Variants in PRICKLE3 observed in about 807,000 individuals in gnomAD.
The protein encoded by PRICKLE3 is LIM domain only protein 6.
PRICKLE3 carries 17 observed loss-of-function variants against 33.8 expected under a neutral mutation model. The ratio of observed to expected loss-of-function variants is 0.50; its 90% CI spans 0.34 to 0.75. PRICKLE3 has a LOEUF of 0.75. PRICKLE3 is among the 30% of genes least tolerant of loss of function. The probability of loss-of-function intolerance (pLI) is 0.01; values close to 1 mark genes in which losing one functional copy is unlikely to be tolerated. For synonymous variants in PRICKLE3, 211 were observed against 219.6 expected (o/e 0.96, Z 0.34); for missense variants, 573 against 576.7 (o/e 0.99, Z 0.07).
At chrX:49,184,348 A>G (rs990149759) in intron 2 of PRICKLE3, among the ~76,000 whole-genome samples, 23 of 110,867 alleles carry the variant, frequency 2.1e-4, no homozygotes, top group African/African-American at 7.6e-4. Flanking sequence ...GGCGGCGCTC[A>G]GAGTTAGAGA....
chrX:49,176,051 C>T lies in PRICKLE3; in HGVS notation c.1470G>A (p.Leu490=). Residue 490 remains leucine, a synonymous_variant, in exon 9 of 9, where the codon CTG becomes CTA. Transcript: ENST00000599218. ...LVSEGGPRRT[L]SAPPAQRRRP... is the part of the protein sequence containing the mutation. ...TGCGGCGCTGGGCCGGGGGTGCACT[C>T]AGGGTCCGGCGCGGGCCTCCTTCAG... is the stretch of plus-strand genomic sequence containing the variant. 8.3e-7 allele frequency: 1 copy of T among 1,207,062 alleles called. No individual in the cohort carries two copies. The highest frequency in any genetic ancestry group is 3.0e-5 in the East Asian group (1 of 33,673).
rs142882850 is a variant in PRICKLE3 at position 49,178,473 on chromosome X, G to A, written c.567C>T (p.Cys189=). 9 of 1,205,666 alleles carry A rather than the reference G, an allele frequency of 7.5e-6. No homozygotes were observed. The highest frequency in any genetic ancestry group is 2.2e-5 in the Admixed American group (1 of 45,843). The change falls in exon 6 of 9, where the codon TGC becomes TGT. Residue 189 remains cysteine (C), a splice_region_variant and synonymous_variant. Transcript: ENST00000599218. ...TGTCCCCACCTCCAATCTGCTTTCCGCACTGCCATGAGACAAGCACCAAGA... is the reference window on the plus strand; with the variant it reads ...TGTCCCCACCTCCAATCTGCTTTCCACACTGCCATGAGACAAGCACCAAGA... The part of the protein sequence containing the change: ...VTITGAICEE[C]GKQIGGGDIA...
In PRICKLE3 at chrX:49,175,020, A is replaced by G. The variant is rs2065407384; in HGVS notation, c.*653T>C. ...CAGGCCCTAGGTTGGGACCCACTCCAAATAATCTCCTCGGTGTGGGTGGTG... is the reference window on the plus strand; with the variant it reads ...CAGGCCCTAGGTTGGGACCCACTCCGAATAATCTCCTCGGTGTGGGTGGTG... On this transcript the variant is annotated 3_prime_UTR_variant, in exon 9 of 9. Coordinates refer to ENST00000599218, the MANE Select transcript of PRICKLE3 (RefSeq NM_006150.5). The G allele has an allele frequency of 2.5e-6, 1 of 398,272 alleles. No individual in the cohort carries two copies. The highest frequency in any genetic ancestry group is 4.4e-6 in the Non-Finnish European group (1 of 228,386). 32.8% of individuals were successfully genotyped at this position (398,272 alleles called of 1,213,427 possible). A position where few individuals can be genotyped will look rare whatever the true frequency, so the allele number is the denominator to read the frequency against.
rs782057131 is a variant in PRICKLE3 at position 49,184,978 on chromosome X, C to T, written c.43-268G>A. On this transcript the variant is annotated intron_variant, in intron 1 of 8. Transcript: ENST00000599218. ...GCTGGCCTCGGACCCCCCTCCCCGT[C>T]CGCCCCTAGCCTCAGACACCTCCCA... is the stretch of plus-strand genomic sequence containing the variant. 2,136 of 917,652 alleles carry T rather than the reference C, an allele frequency of 2.3e-3. 3 individuals carry two copies. The highest frequency in any genetic ancestry group is 2.7e-3 in the Non-Finnish European group (1,889 of 699,127). 75.6% of individuals were successfully genotyped at this position (917,652 alleles called of 1,213,427 possible). A position where few individuals can be genotyped will look rare whatever the true frequency, so the allele number is the denominator to read the frequency against.
chrX:49,184,982 C>G (rs1169724721), intron 1 of PRICKLE3: 6 of 919,093 alleles, frequency 6.5e-6, no homozygotes, highest in Non-Finnish European at 8.6e-6. Flanking sequence ...CCCCGTCCGC[C>G]CCTAGCCTCA....
chrX:49,185,870 C>T, intron 1 of PRICKLE3, among the ~76,000 whole-genome samples: 1 of 94,039 alleles, frequency 1.1e-5, no homozygotes, highest in Admixed American at 1.2e-4. Context: ...CACTGCACTC[C>T]AGCCTGGGTG....
intron 7 of PRICKLE3, 38 bp from the exon 8 acceptor site, chrX:49,177,240 C>G (rs1016802457): frequency 1.8e-6 from 2 of 1,088,171 alleles, no homozygotes; most frequent in Non-Finnish European, 2.4e-6. Context: ...TGAGGCAGAA[C>G]CCCCAGGCGT....
Position 49,177,179 on chromosome X carries a change from A to G in PRICKLE3, c.979T>C (p.Tyr327His). The G allele has an allele frequency of 2.5e-6, 3 of 1,185,022 alleles. No homozygotes were observed. Among genetic ancestry groups the G allele is most frequent in the Non-Finnish European group, 3.4e-6 (3 of 885,551 alleles). ...HIGLDQGQMA[Y>H]EGQHWHASDR... is the part of the protein sequence containing the mutation. Reference sequence around the variant, plus strand: ...GAGGCATGCCAGTGCTGGCCCTCGTAAGCCATCTGGCCTTGGTCCAGGCCT... The same window carrying G: ...GAGGCATGCCAGTGCTGGCCCTCGTGAGCCATCTGGCCTTGGTCCAGGCCT... Residue 327 changes from tyrosine (Y) to histidine (H), a missense_variant, in exon 8 of 9, where the codon TAC becomes CAC. Coordinates refer to ENST00000599218, the MANE Select transcript of PRICKLE3 (RefSeq NM_006150.5).
intron 2 of PRICKLE3, 80 bp from the exon 3 acceptor site, chrX:49,183,997 C>T (rs1212205705): frequency 1.7e-5 from 18 of 1,079,905 alleles, no homozygotes; most frequent in Non-Finnish European, 1.9e-5. Context: ...AATGGAGGAG[C>T]GGGGACATAC....
chrX:49,183,989 T>G, intron 2 of PRICKLE3, 72 bp from the exon 3 acceptor site: 1 of 1,113,673 alleles, frequency 9.0e-7, no homozygotes, highest in Non-Finnish European at 1.2e-6. Context: ...CCAGGTCCAA[T>G]GGAGGAGCGG....
intron 4 of PRICKLE3, 32 bp downstream of exon 4, chrX:49,179,661 T>C: frequency 9.3e-7 from 1 of 1,078,394 alleles, no homozygotes; most frequent in Non-Finnish European, 1.3e-6. Flanking sequence ...GTGCTGTGCC[T>C]GGCATGCCCT....
intron 3 of PRICKLE3, among the ~76,000 whole-genome samples, chrX:49,180,436 T>C (rs887355832): frequency 1.8e-5 from 2 of 111,555 alleles, no homozygotes; most frequent in African/African-American, 3.3e-5. Context: ...TTGAGCCTAC[T>C]TGAGGCAGGC....
chrX:49,177,228 A>G, intron 7 of PRICKLE3, 26 bp from the exon 8 acceptor site: 1 of 1,113,855 alleles, frequency 9.0e-7, no homozygotes. Context: ...AGGGGGAAAA[A>G]CTGAGGCAGA....
At chrX:49,176,302 C>T in intron 8 of PRICKLE3, 37 bp from the exon 9 acceptor site, 2 of 1,034,854 alleles carry the variant, frequency 1.9e-6, no homozygotes, top group South Asian at 2.4e-5. Context: ...CTTGTATCTG[C>T]CCTCCCACTG....
In PRICKLE3 at chrX:49,183,805, T is replaced by A. The variant is rs782224347; in HGVS notation, c.241A>T (p.Ile81Phe). 1 of 1,210,453 alleles carries A rather than the reference T, an allele frequency of 8.3e-7. No individual in the cohort carries two copies. Among genetic ancestry groups the A allele is most frequent in the Non-Finnish European group, 1.1e-6 (1 of 895,161 alleles). The change falls in exon 3 of 9, where the codon ATC becomes TTC. Residue 81 changes from isoleucine to phenylalanine, a missense_variant. Ile to Phe is a conservative substitution (Grantham distance 21, BLOSUM62 0). Coordinates refer to ENST00000599218, the MANE Select transcript of PRICKLE3 (RefSeq NM_006150.5). Reference sequence around the variant, plus strand: ...GCACAGCCTGAGTCGTCGTCGGAGATGGAGTGGCGCTGGAAGTCCGAGATT... The same window carrying A: ...GCACAGCCTGAGTCGTCGTCGGAGAAGGAGTGGCGCTGGAAGTCCGAGATT... ...RLISDFQRHSISDDDSGCASE... is the reference protein window; with the variant it reads ...RLISDFQRHSFSDDDSGCASE...
Position 49,175,913 on chromosome X carries a change from C to T in PRICKLE3, c.1608G>A (p.Ala536=), listed in dbSNP as rs1557099856. 1.7e-6 allele frequency: 2 copies of T among 1,209,246 alleles called. No homozygotes were observed. The highest frequency in any genetic ancestry group is 1.8e-5 in the African/African-American group (1 of 56,962). ...PSRRRHYQCD[A]GSGSDSESCS... ...AAGATTCCGAGTCTGACCCTGATCCCGCGTCACATTGATAGTGGCGACGTC... is the reference window on the plus strand; with the variant it reads ...AAGATTCCGAGTCTGACCCTGATCCTGCGTCACATTGATAGTGGCGACGTC... Residue 536 remains alanine, a synonymous_variant, in exon 9 of 9, where the codon GCG becomes GCA. Coordinates refer to ENST00000599218, the MANE Select transcript of PRICKLE3 (RefSeq NM_006150.5).
chrX:49,178,568 T>C, intron 5 of PRICKLE3, 93 bp from the exon 6 acceptor site: 1 of 907,401 alleles, frequency 1.1e-6, no homozygotes, highest in Non-Finnish European at 1.5e-6. Flanking sequence ...ACTTGGGCCT[T>C]TCCCACAGTG....
chrX:49,184,038 G>A, intron 2 of PRICKLE3, 121 bp from the exon 3 acceptor site: 1 of 919,317 alleles, frequency 1.1e-6, no homozygotes, highest in East Asian at 3.3e-5. Flanking sequence ...CTGTGAGCAG[G>A]GACAGGGATC....
At chrX:49,184,787 A>G (rs782170195) in intron 1 of PRICKLE3, 77 bp from the exon 2 acceptor site, 29 of 1,161,870 alleles carry the variant, frequency 2.5e-5, no homozygotes, top group Non-Finnish European at 3.2e-5. Flanking sequence ...CCGCCCCTCC[A>G]CTTCATTGCC....
Sources: gnomAD v4.1 joint callset for allele counts (sites outside exome capture counted in the v4.1 genomes callset) on GRCh38, gnomAD v4.1.1 for gene constraint, MANE v1.5 for transcripts, NCBI Gene and HGNC (gene_info 2026-07-23, HGNC 2026-07-21) for gene names.